The following DNAH14 variants were observed in gnomAD, a reference collection of about 807,000 sequenced individuals.
DNAH14 encodes the protein dynein axonemal heavy chain 14.
DNAH14 carries 478 observed loss-of-function variants against 520.9 expected under a neutral mutation model. That is an observed-to-expected ratio of 0.92 (90% CI 0.85 to 0.99). The LOEUF is 0.99. Ranked by LOEUF, DNAH14 falls within the 50% of genes least tolerant of loss-of-function variation. The pLI, the probability that DNAH14 is intolerant of heterozygous loss-of-function variation, is 0.00. For missense variants in DNAH14, 4,831 were observed against 5,234.5 expected, an observed-to-expected ratio of 0.92 and a Z score of 2.38; for synonymous variants, 1,581 against 1,757.2, an observed-to-expected ratio of 0.90 and a Z score of 2.51.
intron 66 of DNAH14, among the ~76,000 whole-genome samples, chr1:225,335,956 CACAT>C (rs2095027339): frequency 1.4e-5 from 2 of 139,724 alleles, no homozygotes; most frequent in Non-Finnish European, 3.1e-5. Context: ...TGTATATATA[CACAT>C]ATACATATAT....
intron 3 of DNAH14, among the ~76,000 whole-genome samples, chr1:224,958,475 C>T (rs2128270): frequency 4.0e-5 from 6 of 151,730 alleles, no homozygotes; most frequent in Non-Finnish European, 7.4e-5. Context: ...GTGGGAGTTT[C>T]GGATATTGGC....
Position 225,192,721 on chromosome 1 carries a change from A to G in DNAH14, c.5696A>G (p.Asp1899Gly). The G allele has an allele frequency of 1.3e-6, 2 of 1,549,100 alleles. No homozygotes were observed. Among genetic ancestry groups the G allele is most frequent in the Non-Finnish European group, 1.7e-6 (2 of 1,145,368 alleles). Reference sequence around the variant, plus strand: ...ATTTCAGAAAGAAAAGGAAAAGTAGATATTTGTGTTTTAAATCCAAAGTGT... The same window carrying G: ...ATTTCAGAAAGAAAAGGAAAAGTAGGTATTTGTGTTTTAAATCCAAAGTGT... ...SKISERKGKV[D>G]ICVLNPKCVT... Residue 1899 changes from aspartate to glycine, a missense_variant, in exon 38 of 86, where the codon GAT becomes GGT. Physicochemically the swap from Asp to Gly is moderately conservative, Grantham distance 94. Transcript: ENST00000682510.
At chr1:225,202,618 C>T (rs138706216) in intron 38 of DNAH14, among the ~76,000 whole-genome samples, 1 of 152,280 alleles carries the variant, frequency 6.6e-6, no homozygotes, top group Non-Finnish European at 1.5e-5. Flanking sequence ...ACCCATCTCC[C>T]AGCTGCAAAA....
rs554241289 is a variant in DNAH14 at position 225,223,517 on chromosome 1, C to T, written c.6440-7556C>T. On this transcript the variant is annotated intron_variant, in intron 41 of 85. Coordinates refer to ENST00000682510, the MANE Select transcript of DNAH14 (RefSeq NM_001367479.1). ...GAACCATCAAACACCCCTTGGAATT[C>T]GCCCATTTTTGTCATTCCCAAAAGA... Among the ~76,000 whole-genome samples, 8 of 152,240 alleles carry T rather than the reference C, an allele frequency of 5.3e-5. No individual in the cohort carries two copies. The South Asian group carries it at 1.0e-3, about 20-fold the overall frequency.
chr1:225,318,474 G>T, intron 60 of DNAH14, 109 bp from the exon 61 acceptor site: 1 of 951,842 alleles, frequency 1.1e-6, no homozygotes. Context: ...CATAACTTAT[G>T]GGCATTGTAA....
At chr1:225,185,464 C>T in intron 37 of DNAH14, 39 bp downstream of exon 37, 1 of 1,480,564 alleles carries the variant, frequency 6.8e-7, no homozygotes, top group Non-Finnish European at 9.0e-7. Flanking sequence ...TCTATTTGTT[C>T]ATATCTTATT....
intron 34 of DNAH14, among the ~76,000 whole-genome samples, chr1:225,156,706 A>ATTTT (rs1553483258): frequency 1.3e-4 from 14 of 106,750 alleles, no homozygotes; most frequent in Admixed American, 4.3e-4. Context: ...TCCTCTTAAA[A>ATTTT]TTCTTTTTTT....
intron 17 of DNAH14, among the ~76,000 whole-genome samples, chr1:225,071,770 G>A (rs371137979): frequency 3.3e-5 from 5 of 152,278 alleles, no homozygotes; most frequent in African/African-American, 1.2e-4. Context: ...ATGGTGACAG[G>A]AAGGAGAAGT....
chr1:225,333,507 G>A lies in DNAH14; in HGVS notation c.10080+1G>A. On this transcript the variant is annotated splice_donor_variant, in intron 66 of 85. Coordinates refer to ENST00000682510, the MANE Select transcript of DNAH14 (RefSeq NM_001367479.1). LOFTEE classifies it high-confidence loss of function. Reference sequence around the variant, plus strand: ...TAAAGTTATGGCACAAAAATATGAGGTAATAACATATTTCTATTATCCAGT... The same window carrying A: ...TAAAGTTATGGCACAAAAATATGAGATAATAACATATTTCTATTATCCAGT... The A allele has an allele frequency of 6.5e-7, 1 of 1,541,844 alleles. No homozygotes were observed. The highest frequency in any genetic ancestry group is 8.8e-7 in the Non-Finnish European group (1 of 1,139,012).
chr1:225,009,564 C>T (rs1193067115), intron 10 of DNAH14, among the ~76,000 whole-genome samples: 1 of 152,058 alleles, frequency 6.6e-6, no homozygotes, highest in Non-Finnish European at 1.5e-5. Context: ...GTTCTTTTTG[C>T]TTAGGATTGT....
intron 23 of DNAH14, among the ~76,000 whole-genome samples, chr1:225,106,338 G>T (rs1447169124): frequency 6.6e-6 from 1 of 151,662 alleles, no homozygotes; most frequent in Non-Finnish European, 1.5e-5. Context: ...TTCAACTTTG[G>T]TGAATCTGAC....
intron 1 of DNAH14, among the ~76,000 whole-genome samples, chr1:224,952,369 T>C (rs1572008542): frequency 6.6e-6 from 1 of 152,202 alleles, no homozygotes; most frequent in African/African-American, 2.4e-5. Context: ...TTAAAACTTA[T>C]CATTATCTTT....
intron 55 of DNAH14, among the ~76,000 whole-genome samples, chr1:225,296,050 T>C (rs553932823): frequency 1.3e-5 from 2 of 152,282 alleles, no homozygotes; most frequent in Middle Eastern, 6.8e-3. Flanking sequence ...GATATAAATA[T>C]AGCTACTCCT....
intron 8 of DNAH14, among the ~76,000 whole-genome samples, chr1:224,991,084 C>CCTTTT (rs1558617220): frequency 2.6e-5 from 2 of 77,900 alleles, no homozygotes; most frequent in Non-Finnish European, 2.8e-5. Context: ...TGATGTTGAG[C>CCTTTT]TTTTTTTTTT....
At chr1:225,042,279 T>C (rs1357416233) in intron 12 of DNAH14, among the ~76,000 whole-genome samples, 1 of 152,188 alleles carries the variant, frequency 6.6e-6, no homozygotes, top group Non-Finnish European at 1.5e-5. Context: ...AGTAGATTAA[T>C]TGAGAACCCA....
intron 26 of DNAH14, among the ~76,000 whole-genome samples, chr1:225,123,093 A>G (rs1483270084): frequency 1.3e-5 from 2 of 152,190 alleles, no homozygotes; most frequent in African/African-American, 4.8e-5. Context: ...AATTGTCTGG[A>G]TATTTTTCAT....
At position 225,147,192 on chromosome 1, in the gene DNAH14, CTG is replaced by C. The variant is rs765007525; in HGVS notation, c.4885_4886del (p.Val1629HisfsTer9). The C allele has an allele frequency of 6.4e-7, 1 of 1,550,864 alleles. No homozygotes were observed. Among genetic ancestry groups the C allele is most frequent in the African/African-American group, 1.4e-5 (1 of 73,096 alleles). ...AATCTAATTGATTTGGAAGTTCTCT[CTG>C]TCATTGCCTCACAGATCCTAACAAT... On this transcript the variant is annotated frameshift_variant, in exon 31 of 86. Coordinates refer to ENST00000682510, the MANE Select transcript of DNAH14 (RefSeq NM_001367479.1). LOFTEE classifies it high-confidence loss of function.
intron 8 of DNAH14, among the ~76,000 whole-genome samples, chr1:224,990,015 G>T (rs55737501): frequency 0.05 from 5,975 of 120,250 alleles, 256 homozygotes; most frequent in East Asian, 0.23. Context: ...CTGTGTTGTT[G>T]TTTTTTTTTT....
intron 1 of DNAH14, among the ~76,000 whole-genome samples, chr1:224,935,070 A>C (rs920051851): frequency 6.6e-6 from 1 of 151,950 alleles, no homozygotes; most frequent in Non-Finnish European, 1.5e-5. Context: ...ACATGAAAGT[A>C]TAAAACTCAG....
Sources: gnomAD v4.1 joint callset for allele counts (sites outside exome capture counted in the v4.1 genomes callset) on GRCh38, gnomAD v4.1.1 for gene constraint, MANE v1.5 for transcripts, NCBI Gene and HGNC (gene_info 2026-07-23, HGNC 2026-07-21) for gene names.